The following ARMCX4 variants were observed in gnomAD, a reference collection of about 807,000 sequenced individuals.
ARMCX4 encodes the protein armadillo repeat-containing X-linked protein 4.
A neutral mutation model predicts 34.7 loss-of-function variants in ARMCX4; 3 were observed. The ratio of observed to expected loss-of-function variants is 0.09; its 90% CI spans 0.04 to 0.22. ARMCX4 has a LOEUF of 0.22. Among genes scored for constraint, ARMCX4 ranks in the 10% least tolerant of loss-of-function variants. The pLI, the probability that ARMCX4 is intolerant of heterozygous loss-of-function variation, is 1.00. For synonymous variants in ARMCX4, 513 were observed against 632.8 expected (o/e 0.81, Z 2.84); for missense variants, 1,448 against 1,720.8 (o/e 0.84, Z 2.81).
At chrX:101,530,889 A>G (rs1282487025) in intron 11 of ARMCX4, among the ~76,000 whole-genome samples, 2 of 112,319 alleles carry the variant, frequency 1.8e-5, no homozygotes, top group Non-Finnish European at 3.8e-5. Context: ...AGTAAATAGA[A>G]AATACTTTTT....
At chrX:101,434,886 C>T (rs782015349) in intron 2 of ARMCX4, among the ~76,000 whole-genome samples, 11 of 106,907 alleles carry the variant, frequency 1.0e-4, no homozygotes, top group Middle Eastern at 9.4e-3. Context: ...GAACATGCGG[C>T]GTTTGGTTTT....
intron 8 of ARMCX4, among the ~76,000 whole-genome samples, chrX:101,505,806 G>A (rs1410400958): frequency 8.9e-6 from 1 of 111,964 alleles, no homozygotes; most frequent in Non-Finnish European, 1.9e-5. Flanking sequence ...ACATTGTTGT[G>A]CAACCATTAC....
chrX:101,529,884 T>G (rs1230564451), intron 11 of ARMCX4, among the ~76,000 whole-genome samples: 1 of 110,582 alleles, frequency 9.0e-6, no homozygotes, highest in East Asian at 2.8e-4. Flanking sequence ...ACACTGTTGG[T>G]GGGAGTGTAA....
chrX:101,502,215 T>G (rs1556013837), intron 7 of ARMCX4, among the ~76,000 whole-genome samples: 4 of 111,604 alleles, frequency 3.6e-5, no homozygotes, highest in African/African-American at 1.3e-4. Context: ...TAAGGTTGAG[T>G]AGCCCCGGCA....
chrX:101,493,028 A>C lies in ARMCX4; in HGVS notation c.4439A>C (p.Glu1480Ala). Residue 1480 changes from glutamate (E) to alanine (A), a missense_variant, in exon 6 of 6, where the codon GAG (glutamate) becomes GCG (alanine). By Grantham distance (107) the Glu-to-Ala change is moderately radical. Around this residue, in one of 2 missense-constraint regions of ARMCX4, gnomAD observed 1,343 missense variants for 1,540.7 expected, o/e 0.87. Coordinates refer to ENST00000423738, the MANE Select transcript of ARMCX4 (RefSeq NM_001256155.3). ...AGAGGGTCCTGGGCTGATGCCAGGG[A>C]GCAGGTTGTTGGAGATTCTAGGCTG... is the stretch of plus-strand genomic sequence containing the variant. Reference protein sequence around the residue: ...SGRGSWADAREQVVGDSRLGL... With the variant: ...SGRGSWADARAQVVGDSRLGL... 1.7e-6 allele frequency: 2 copies of C among 1,154,542 alleles called. No individual in the cohort carries two copies. Among genetic ancestry groups the C allele is most frequent in the Non-Finnish European group, 2.3e-6 (2 of 872,356 alleles).
chrX:101,475,371 G>C (rs112311329), intron 4 of ARMCX4, among the ~76,000 whole-genome samples: 5,481 of 110,289 alleles, frequency 0.05, 109 homozygotes, highest in Middle Eastern at 0.084. Context: ...AGCTATGAGG[G>C]CTGACAAAAG....
chrX:101,488,497 C>T lies in ARMCX4; in HGVS notation c.-93C>T. 1 of 1,141,801 alleles carries T rather than the reference C, an allele frequency of 8.8e-7. No homozygotes were observed. 94.1% of individuals were successfully genotyped at this position (1,141,801 alleles called of 1,213,427 possible). ...CTTTGAGTGGCTGAAGACCAGCACC[C>T]TCACAGGCCTACACCCACAACTACC... On this transcript the variant is annotated 5_prime_UTR_variant, in exon 6 of 6. Coordinates refer to ENST00000423738, the MANE Select transcript of ARMCX4 (RefSeq NM_001256155.3).
At chrX:101,445,916 C>T (rs1395926152) in intron 3 of ARMCX4, 1 of 111,429 alleles carries the variant, frequency 9.0e-6, no homozygotes, top group African/African-American at 3.3e-5. Flanking sequence ...TTGCTTGGCA[C>T]GTAGTAGGCA....
chrX:101,488,396 A>G (rs1318912356), intron 5 of ARMCX4, 48 bp from the exon 6 acceptor site: 30 of 1,068,890 alleles, frequency 2.8e-5, no homozygotes, highest in African/African-American at 5.7e-5. Flanking sequence ...GTATGATGCA[A>G]CAAAATCAGA....
chrX:101,514,559 C>G (rs1003179284), intron 11 of ARMCX4, among the ~76,000 whole-genome samples: 1 of 111,960 alleles, frequency 8.9e-6, no homozygotes, highest in African/African-American at 3.2e-5. Context: ...AAGTTTCTTA[C>G]GAGAAGCAAC....
downstream of ARMCX4, among the ~76,000 whole-genome samples, chrX:101,451,807 T>G (rs782565313): frequency 3.6e-5 from 4 of 112,270 alleles, no homozygotes; most frequent in Non-Finnish European, 5.6e-5. Context: ...AATGTAATGT[T>G]TTTTCTCTCA....
intron 8 of ARMCX4, among the ~76,000 whole-genome samples, chrX:101,506,134 C>T (rs1423775545): frequency 8.9e-6 from 1 of 112,190 alleles, no homozygotes; most frequent in Admixed American, 9.4e-5. Context: ...AGAGCCACCA[C>T]GCCCCGCCCA....
At chrX:101,475,586 C>G (rs1933150782) in intron 4 of ARMCX4, among the ~76,000 whole-genome samples, 2 of 111,529 alleles carry the variant, frequency 1.8e-5, no homozygotes, top group Non-Finnish European at 3.8e-5. Context: ...GTTGTATTCA[C>G]TTAAAAAGAG....
At chrX:101,501,294 C>T (rs1464151138) in intron 7 of ARMCX4, among the ~76,000 whole-genome samples, 1 of 113,230 alleles carries the variant, frequency 8.8e-6, no homozygotes, top group Non-Finnish European at 1.9e-5. Flanking sequence ...ATACAAGAGA[C>T]AGTCCTTATG....
chrX:101,498,097 T>G, downstream of ARMCX4: 1 of 325,687 alleles, frequency 3.1e-6, no homozygotes, highest in Non-Finnish European at 6.0e-6. Flanking sequence ...TGGGACAGCT[T>G]AACTCCTCCC....
intron 11 of ARMCX4, among the ~76,000 whole-genome samples, chrX:101,514,054 C>T (rs914644735): frequency 9.0e-6 from 1 of 111,457 alleles, no homozygotes; most frequent in African/African-American, 3.3e-5. Context: ...CCAGCTAGTA[C>T]AGCAAATCTG....
chrX:101,493,700 A>C lies in ARMCX4; in HGVS notation c.5111A>C (p.Gln1704Pro). ...IGGSRMGSED[Q>P]ATGGSWARSE... Reference sequence around the variant, plus strand: ...GGATCTAGGATGGGATCTGAGGACCAGGCCACTGGAGGATCCTGGGCTAGA... The same window carrying C: ...GGATCTAGGATGGGATCTGAGGACCCGGCCACTGGAGGATCCTGGGCTAGA... The change falls in exon 6 of 6, where the codon CAG (glutamine) becomes CCG (proline). Residue 1704 changes from glutamine (Q) to proline (P), a missense_variant. Physicochemically the swap from Gln to Pro is moderately conservative, Grantham distance 76 (BLOSUM62 -1). This residue lies in a region of ARMCX4 where 1,343 missense variants were observed against 1,540.7 expected (regional missense o/e 0.87). Transcript: ENST00000423738. 1 of 1,154,116 alleles carries C rather than the reference A, an allele frequency of 8.7e-7. No homozygotes were observed. Among genetic ancestry groups the C allele is most frequent in the Non-Finnish European group, 1.1e-6 (1 of 872,432 alleles).
At chrX:101,511,241 A>G (rs949048099) in intron 11 of ARMCX4, among the ~76,000 whole-genome samples, 10 of 110,532 alleles carry the variant, frequency 9.0e-5, no homozygotes, top group Non-Finnish European at 1.9e-4. Context: ...CTCCCATATG[A>G]TAATTTTATT....
rs1475714647 is a variant in ARMCX4 at position 101,421,018 on chromosome X, A to G, written n.164+2018A>G. On this transcript the variant is annotated intron_variant and non_coding_transcript_variant, in intron 2 of 3. Coordinates refer to the ARMCX4 transcript ENST00000430461. ...TTCGAGACCAGCCTGGCCAACCAAC[A>G]TGGTGAAACCCCGTCTCTACTAAAA... Among the ~76,000 whole-genome samples the G allele has an allele frequency of 2.7e-5, 3 of 110,500 alleles. No individual in the cohort carries two copies. The East Asian group carries it at 8.5e-4, about 31-fold the overall frequency.
Sources: allele counts gnomAD v4.1 joint callset (sites outside exome capture counted in the v4.1 genomes callset), GRCh38; gene constraint gnomAD v4.1.1; regional missense constraint gnomAD v4.1.1; transcripts MANE v1.5; gene names NCBI Gene and HGNC (gene_info 2026-07-23, HGNC 2026-07-21).